Variants in SKA2 observed in about 807,000 individuals in gnomAD.
SKA2 encodes the protein spindle and kinetochore-associated protein 2.
Under a neutral mutation model 16.9 loss-of-function variants are expected in SKA2, and 13 were observed. The observed-to-expected ratio is 0.77, with a 90% confidence interval of 0.50 to 1.22. The LOEUF is 1.22. Ranked by LOEUF, SKA2 falls within the 50% of genes most tolerant of loss-of-function variation. SKA2 has a pLI of 0.00. For missense variants in SKA2, 107 were observed against 139.7 expected, an observed-to-expected ratio of 0.77 and a Z score of 1.18; for synonymous variants, 47 against 48.5, an observed-to-expected ratio of 0.97 and a Z score of 0.13.
intron 1 of SKA2, chr17:59,137,969 C>G: frequency 3.1e-6 from 1 of 323,010 alleles, no homozygotes; most frequent in Non-Finnish European, 6.2e-6. Context: ...TTCTGATAAA[C>G]ATCATTCACA....
At position 59,112,057 on chromosome 17, in the gene SKA2, TTTTA is replaced by T. The variant is rs768489579; in HGVS notation, c.*216_*219del. 7.7e-5 allele frequency: 41 copies of T among 534,292 alleles called. No individual in the cohort carries two copies. Among genetic ancestry groups the T allele is most frequent in the Admixed American group, 1.8e-4 (5 of 27,150 alleles). The allele number at this position is 534,292 out of a possible 1,614,324, so 33.1% of individuals were successfully genotyped here. A position where few individuals can be genotyped will look rare whatever the true frequency, so the allele number is the denominator to read the frequency against. On this transcript the variant is annotated 3_prime_UTR_variant, in exon 4 of 4. Transcript: ENST00000330137. ...TGCGTGTGTACATATATTTAAATCG[TTTTA>T]TTCTCATTTGATCCTTTTGGCTGAA...
At chr17:59,143,709 G>A (rs1197536664) in intron 1 of SKA2, among the ~76,000 whole-genome samples, 1 of 151,876 alleles carries the variant, frequency 6.6e-6, no homozygotes, top group Non-Finnish European at 1.5e-5. Context: ...CTGACCTCAG[G>A]TGATCCTCTC....
intron 1 of SKA2, among the ~76,000 whole-genome samples, chr17:59,154,470 C>G (rs2046605140): frequency 6.6e-6 from 1 of 152,196 alleles, no homozygotes; most frequent in Admixed American, 6.5e-5. Flanking sequence ...AACTCCAGAG[C>G]AGGATGCCTT....
intron 3 of SKA2, among the ~76,000 whole-genome samples, chr17:59,113,080 G>A (rs865939464): frequency 9.2e-5 from 14 of 151,780 alleles, no homozygotes; most frequent in Non-Finnish European, 1.8e-4. Context: ...ATTTTTAGCT[G>A]GGCATGGTGG....
At chr17:59,142,173 C>T (rs920391548) in intron 1 of SKA2, among the ~76,000 whole-genome samples, 5 of 152,024 alleles carry the variant, frequency 3.3e-5, no homozygotes, top group Non-Finnish European at 7.4e-5. Context: ...TTCACTTTAC[C>T]ACAATTCTTC....
intron 2 of SKA2, among the ~76,000 whole-genome samples, chr17:59,121,420 C>T (rs1028557459): frequency 6.6e-6 from 1 of 151,974 alleles, no homozygotes; most frequent in East Asian, 1.9e-4. Context: ...TTTGGGAAGC[C>T]GAGACGGGTG....
chr17:59,154,183 AAAAAG>A (rs1555714040), intron 1 of SKA2, among the ~76,000 whole-genome samples: 85 of 151,578 alleles, frequency 5.6e-4, no homozygotes, highest in Non-Finnish European at 4.7e-4. Flanking sequence ...AAAAAAAAAA[AAAAAG>A]AAAAGAAAAG....
At chr17:59,127,726 A>C (rs2046381648) in intron 2 of SKA2, among the ~76,000 whole-genome samples, 1 of 152,042 alleles carries the variant, frequency 6.6e-6, no homozygotes, top group African/African-American at 2.4e-5. Flanking sequence ...AAAATGCTTT[A>C]GATGCCTTGG....
chr17:59,123,981 A>T (rs984448518), intron 2 of SKA2, among the ~76,000 whole-genome samples: 1 of 152,154 alleles, frequency 6.6e-6, no homozygotes, highest in Admixed American at 6.5e-5. Flanking sequence ...AAAAATAAAG[A>T]TGCAGTACAA....
At chr17:59,138,104 G>A (rs1342661558) in intron 1 of SKA2, among the ~76,000 whole-genome samples, 4 of 151,968 alleles carry the variant, frequency 2.6e-5, no homozygotes, top group East Asian at 1.9e-4. Context: ...CAAGATATTC[G>A]TATTTCAGAA....
At chr17:59,130,897 A>G (rs1430098371) in intron 2 of SKA2, among the ~76,000 whole-genome samples, 1 of 152,284 alleles carries the variant, frequency 6.6e-6, no homozygotes, top group East Asian at 1.9e-4. Context: ...TAAGTAAAAA[A>G]TCTAATAGTG....
intron 1 of SKA2, among the ~76,000 whole-genome samples, chr17:59,143,694 A>C (rs1185497408): frequency 6.6e-6 from 1 of 151,780 alleles, no homozygotes; most frequent in Non-Finnish European, 1.5e-5. Context: ...ATTTTTCTCG[A>C]ACTCCTGACC....
Position 59,112,035 on chromosome 17 carries a change from G to A in SKA2, c.*242C>T, listed in dbSNP as rs1291444741. 5.3e-5 allele frequency: 25 copies of A among 471,064 alleles called. No homozygotes were observed. The highest frequency in any genetic ancestry group is 5.8e-4 in the Middle Eastern group (1 of 1,734). 29.2% of individuals were successfully genotyped at this position (471,064 alleles called of 1,614,324 possible). ...CAAGACTAAGTGTGTGTGTGCATGC[G>A]TGTGTACATATATTTAAATCGTTTT... is the stretch of plus-strand genomic sequence containing the variant. On this transcript the variant is annotated 3_prime_UTR_variant, in exon 4 of 4. Coordinates refer to ENST00000330137, the MANE Select transcript of SKA2 (RefSeq NM_182620.4).
intron 1 of SKA2, among the ~76,000 whole-genome samples, chr17:59,133,349 A>C (rs1198574151): frequency 6.6e-6 from 1 of 152,192 alleles, no homozygotes; most frequent in Non-Finnish European, 1.5e-5. Context: ...ACCTTAAAGC[A>C]TATATTGCCT....
intron 1 of SKA2, among the ~76,000 whole-genome samples, chr17:59,144,125 C>T (rs1170382538): frequency 1.3e-5 from 2 of 151,818 alleles, no homozygotes; most frequent in African/African-American, 4.8e-5. Flanking sequence ...CCCCAGAGGC[C>T]GAGGTTGCAG....
chr17:59,137,220 G>A (rs998386124), intron 1 of SKA2, among the ~76,000 whole-genome samples: 1 of 152,086 alleles, frequency 6.6e-6, no homozygotes, highest in African/African-American at 2.4e-5. Flanking sequence ...GTCTCGCTAT[G>A]TTACCCAGGC....
intron 1 of SKA2, among the ~76,000 whole-genome samples, chr17:59,132,558 G>A (rs908000425): frequency 1.3e-5 from 2 of 152,174 alleles, no homozygotes; most frequent in Non-Finnish European, 2.9e-5. Flanking sequence ...CAGCTATTTG[G>A]GTAGCTGAGG....
intron 1 of SKA2, among the ~76,000 whole-genome samples, chr17:59,141,310 T>G (rs1240165180): frequency 6.6e-6 from 1 of 152,008 alleles, no homozygotes; most frequent in African/African-American, 2.4e-5. Flanking sequence ...GGCAGGAGAA[T>G]TGCTTGAACC....
In SKA2 at chr17:59,155,120, T is replaced by A. The variant is rs2046613741; in HGVS notation, c.33+11A>T. ...AAACTACCCAGTAGATCTCCTTCAC[T>A]TTGCACTCACCATCAGTTCCAGCTT... On this transcript the variant is annotated intron_variant, in intron 1 of 3. Transcript: ENST00000330137. The A allele has an allele frequency of 1.2e-6, 2 of 1,613,898 alleles. No homozygotes were observed. Among genetic ancestry groups the A allele is most frequent in the Non-Finnish European group, 1.7e-6 (2 of 1,179,898 alleles).
Sources: allele counts gnomAD v4.1 joint callset (sites outside exome capture counted in the v4.1 genomes callset), GRCh38; gene constraint gnomAD v4.1.1; transcripts MANE v1.5; gene names NCBI Gene and HGNC (gene_info 2026-07-23, HGNC 2026-07-21).